DOK6: variants seen among roughly 807,000 people sequenced by gnomAD.
The protein encoded by DOK6 is docking protein 6.
DOK6 carries 22 observed loss-of-function variants against 44.0 expected under a neutral mutation model. The ratio of observed to expected loss-of-function variants is 0.50; its 90% CI spans 0.36 to 0.71. The LOEUF (loss-of-function observed/expected upper bound fraction) is 0.71, where lower values mean the gene tolerates loss of function less well. DOK6 is among the 30% of genes least tolerant of loss of function. The pLI, the probability that DOK6 is intolerant of heterozygous loss-of-function variation, is 0.00. For missense variants in DOK6, 340 were observed against 416.4 expected (o/e 0.82, Z 1.60); for synonymous variants, 166 against 145.5 (o/e 1.14, Z -1.01).
chr18:69,625,544 T>C (rs2144641551), intron 3 of DOK6, among the ~76,000 whole-genome samples: 1 of 152,300 alleles, frequency 6.6e-6, no homozygotes, highest in Non-Finnish European at 1.5e-5. Flanking sequence ...TCTGAAGGTA[T>C]ATAAGGTCAG....
intron 1 of DOK6, among the ~76,000 whole-genome samples, chr18:69,518,085 C>A (rs943893292): frequency 1.3e-5 from 2 of 152,076 alleles, no homozygotes; most frequent in Admixed American, 1.3e-4. Flanking sequence ...TTTAGAGTAT[C>A]ATTATTACAT....
At chr18:69,467,618 A>C (rs1242138214) in intron 1 of DOK6, among the ~76,000 whole-genome samples, 1 of 152,188 alleles carries the variant, frequency 6.6e-6, no homozygotes, top group Non-Finnish European at 1.5e-5. Flanking sequence ...ATAATTTAGC[A>C]CGTTTTCTAT....
At chr18:69,699,670 G>A (rs527706661) in intron 5 of DOK6, among the ~76,000 whole-genome samples, 4 of 152,188 alleles carry the variant, frequency 2.6e-5, no homozygotes, top group South Asian at 4.1e-4. Context: ...ATCACATTCC[G>A]ATAGCCATTG....
At chr18:69,520,490 T>C (rs1981654691) in intron 1 of DOK6, among the ~76,000 whole-genome samples, 1 of 151,862 alleles carries the variant, frequency 6.6e-6, no homozygotes, top group African/African-American at 2.4e-5. Flanking sequence ...AGGTAGAGCA[T>C]TCCTAATCCA....
chr18:69,570,839 G>A (rs79451293), intron 2 of DOK6, among the ~76,000 whole-genome samples: 5,123 of 152,014 alleles, frequency 0.034, 126 homozygotes, highest in Non-Finnish European at 0.051. Context: ...ATGAAGGTGA[G>A]ATAAAGTCAC....
chr18:69,487,177 ATGTGTGTGTGTGTGTGTGTGTGTG>A (rs5825940), intron 1 of DOK6, among the ~76,000 whole-genome samples: 4 of 140,466 alleles, frequency 2.8e-5, no homozygotes, highest in Admixed American at 6.9e-5. Context: ...CTGATAGGAT[ATGTGTGTGTGTGTGTGTGTGTGTG>A]TGTGTGTGTG....
chr18:69,839,853 G>A (rs1200873816), intron 7 of DOK6, among the ~76,000 whole-genome samples: 1 of 152,234 alleles, frequency 6.6e-6, no homozygotes, highest in Non-Finnish European at 1.5e-5. Context: ...TCTTCTCTTT[G>A]ATCCCCTCTT....
At chr18:69,801,910 C>T (rs1980915360) in intron 7 of DOK6, among the ~76,000 whole-genome samples, 3 of 152,106 alleles carry the variant, frequency 2.0e-5, no homozygotes, top group Admixed American at 2.0e-4. Flanking sequence ...TTTCTGTTAG[C>T]TATTGTCAAT....
chr18:69,655,776 A>C (rs1428956859), intron 3 of DOK6, among the ~76,000 whole-genome samples: 2 of 147,892 alleles, frequency 1.4e-5, no homozygotes, highest in African/African-American at 5.0e-5. Context: ...AAAAAAAAAA[A>C]AAAAAAACAA....
At chr18:69,546,255 C>G (rs181328039) in intron 1 of DOK6, among the ~76,000 whole-genome samples, 4 of 143,626 alleles carry the variant, frequency 2.8e-5, no homozygotes, top group Admixed American at 1.4e-4. Context: ...CCAGCTTGGA[C>G]AACAAGAGCA....
intron 6 of DOK6, among the ~76,000 whole-genome samples, chr18:69,747,408 C>CAG (rs1053164710): frequency 1.3e-5 from 2 of 152,256 alleles, no homozygotes; most frequent in African/African-American, 4.8e-5. Context: ...GAAAAAATTT[C>CAG]AGAGACAGTA....
intron 4 of DOK6, among the ~76,000 whole-genome samples, chr18:69,678,192 T>A (rs1290362279): frequency 6.6e-6 from 1 of 152,222 alleles, no homozygotes; most frequent in African/African-American, 2.4e-5. Context: ...GAGGTTGCAA[T>A]GAGCCAAGAT....
chr18:69,718,934 C>T (rs1986942814), intron 5 of DOK6, among the ~76,000 whole-genome samples: 1 of 151,790 alleles, frequency 6.6e-6, no homozygotes, highest in Non-Finnish European at 1.5e-5. Context: ...TAAATAAAAG[C>T]TAAGAATTTG....
chr18:69,523,150 C>T (rs940577843), intron 1 of DOK6, among the ~76,000 whole-genome samples: 3 of 152,050 alleles, frequency 2.0e-5, no homozygotes, highest in East Asian at 3.8e-4. Flanking sequence ...TGATGCAAAA[C>T]CTCTCTGCAT....
chr18:69,732,886 G>A (rs1351212986), intron 5 of DOK6, among the ~76,000 whole-genome samples: 1 of 152,218 alleles, frequency 6.6e-6, no homozygotes, highest in Non-Finnish European at 1.5e-5. Flanking sequence ...ACACCGCTAA[G>A]AAGAATTATC....
intron 5 of DOK6, among the ~76,000 whole-genome samples, chr18:69,722,307 T>A (rs1978290036): frequency 6.6e-6 from 1 of 152,200 alleles, no homozygotes; most frequent in Non-Finnish European, 1.5e-5. Context: ...AATGAGTGCT[T>A]TCGAACAGCC....
At chr18:69,740,309 C>A (rs1364159024) in intron 6 of DOK6, among the ~76,000 whole-genome samples, 1 of 152,166 alleles carries the variant, frequency 6.6e-6, no homozygotes, top group Non-Finnish European at 1.5e-5. Context: ...TGATGTTTTT[C>A]TAGCGATTAA....
chr18:69,558,485 T>G (rs1320380800), intron 1 of DOK6, among the ~76,000 whole-genome samples: 1 of 152,294 alleles, frequency 6.6e-6, no homozygotes, highest in Admixed American at 6.5e-5. Flanking sequence ...GATTTTTTTT[T>G]GCTACTTTAA....
chr18:69,822,260 C>T (rs1339894912), intron 7 of DOK6, among the ~76,000 whole-genome samples: 1 of 152,138 alleles, frequency 6.6e-6, no homozygotes, highest in Non-Finnish European at 1.5e-5. Context: ...TTGACATTGT[C>T]AAGAACTATG....
Sources: allele counts gnomAD v4.1 joint callset (sites outside exome capture counted in the v4.1 genomes callset), GRCh38; gene constraint gnomAD v4.1.1; transcripts MANE v1.5; gene names NCBI Gene and HGNC (gene_info 2026-07-23, HGNC 2026-07-21).